The following CFAP299 variants were observed in gnomAD, a reference collection of about 807,000 sequenced individuals.
CFAP299 encodes the protein cilia- and flagella-associated protein 299.
In CFAP299, 21 loss-of-function variants were observed where a neutral mutation model predicts 27.0. The ratio of observed to expected loss-of-function variants is 0.78; its 90% CI spans 0.55 to 1.12. The LOEUF (loss-of-function observed/expected upper bound fraction) is 1.12. Among genes scored for constraint, CFAP299 ranks in the 50% most tolerant of loss-of-function variants. The pLI, the probability that CFAP299 is intolerant of heterozygous loss-of-function variation, is 0.00. For synonymous variants in CFAP299, 104 were observed against 98.1 expected, an observed-to-expected ratio of 1.06 and a Z score of -0.36; for missense variants, 310 against 276.6, an observed-to-expected ratio of 1.12 and a Z score of -0.86.
At position 80,694,231 on chromosome 4, in the gene CFAP299, A is replaced by G. The variant is rs750727977; in HGVS notation, c.333+111048A>G. On this transcript the variant is annotated intron_variant, in intron 3 of 5. Coordinates refer to ENST00000358105, the MANE Select transcript of CFAP299 (RefSeq NM_152770.3). ...TTCACCTGAATAAATAGTACCCTGCATTTCACCCTTTGAGGTCAGTACATA... is the reference window on the plus strand; with the variant it reads ...TTCACCTGAATAAATAGTACCCTGCGTTTCACCCTTTGAGGTCAGTACATA... Among the ~76,000 whole-genome samples, 13 of 152,228 alleles carry G rather than the reference A, an allele frequency of 8.5e-5. No individual in the cohort carries two copies. The South Asian group carries it at 1.7e-3, about 19-fold the overall frequency.
At chr4:80,386,560 G>T (rs1725017580) in intron 2 of CFAP299, 2 of 1,595,864 alleles carry the variant, frequency 1.3e-6, no homozygotes, top group Non-Finnish European at 1.7e-6. Flanking sequence ...CCTTCTGGGG[G>T]CCGAGACGAC....
chr4:80,663,114 G>T (rs1329609077), intron 3 of CFAP299, among the ~76,000 whole-genome samples: 4 of 149,586 alleles, frequency 2.7e-5, no homozygotes, highest in Non-Finnish European at 5.9e-5. Flanking sequence ...TATATACTTT[G>T]CCATTTTTAA....
intron 3 of CFAP299, among the ~76,000 whole-genome samples, chr4:80,694,776 AG>A (rs1720983373): frequency 6.6e-6 from 1 of 152,226 alleles, no homozygotes; most frequent in Non-Finnish European, 1.5e-5. Flanking sequence ...GAATGAATTA[AG>A]GTGAAATTGC....
At chr4:80,916,133 G>C (rs958040186) in intron 4 of CFAP299, among the ~76,000 whole-genome samples, 1 of 150,144 alleles carries the variant, frequency 6.7e-6, no homozygotes, top group African/African-American at 2.5e-5. Context: ...GTGTTGGTGG[G>C]TGCCTGTAAT....
At chr4:80,352,441 C>T (rs1027881160) in intron 1 of CFAP299, among the ~76,000 whole-genome samples, 1 of 152,078 alleles carries the variant, frequency 6.6e-6, no homozygotes, top group African/African-American at 2.4e-5. Context: ...GTGGTGCACA[C>T]CTGTAATCCC....
intron 2 of CFAP299, among the ~76,000 whole-genome samples, chr4:80,473,630 G>C (rs1267689865): frequency 6.6e-6 from 1 of 151,962 alleles, no homozygotes; most frequent in African/African-American, 2.4e-5. Context: ...GAGTACAGTG[G>C]TGCGATCACA....
chr4:80,732,161 G>A (rs1018425332), intron 3 of CFAP299, among the ~76,000 whole-genome samples: 2 of 151,992 alleles, frequency 1.3e-5, no homozygotes, highest in Admixed American at 6.6e-5. Context: ...GATTGGAAAT[G>A]TTCCAGAAAT....
intron 2 of CFAP299, among the ~76,000 whole-genome samples, chr4:80,562,072 C>T (rs527381557): frequency 1.3e-5 from 2 of 152,104 alleles, no homozygotes; most frequent in African/African-American, 4.8e-5. Flanking sequence ...GTGTTATTTT[C>T]AGCTTCAAAT....
At chr4:80,462,470 C>A (rs554726519) in intron 2 of CFAP299, among the ~76,000 whole-genome samples, 1 of 152,148 alleles carries the variant, frequency 6.6e-6, no homozygotes, top group Non-Finnish European at 1.5e-5. Flanking sequence ...AACCAGCACT[C>A]CTCAGGTCTT....
chr4:80,568,348 C>G (rs1378996464), intron 2 of CFAP299, among the ~76,000 whole-genome samples: 3 of 151,836 alleles, frequency 2.0e-5, no homozygotes, highest in Admixed American at 2.0e-4. Flanking sequence ...TATCATGTTT[C>G]CTTTGTTATT....
intron 2 of CFAP299, among the ~76,000 whole-genome samples, chr4:80,581,469 T>G (rs1578629986): frequency 2.2e-5 from 3 of 135,770 alleles, no homozygotes; most frequent in South Asian, 4.8e-4. Flanking sequence ...TATATATATA[T>G]ATATATATAT....
chr4:80,558,358 G>GTTTTTTTTTTTTTTTTTTTTTTTTTTTT (rs1174909337), intron 2 of CFAP299, among the ~76,000 whole-genome samples: 1 of 121,680 alleles, frequency 8.2e-6, no homozygotes, highest in African/African-American at 3.3e-5. Context: ...TTGTTTGTTT[G>GTTTTTTTTTTTTTTTTTTTTTTTTTTTT]TTTGTTTGTT....
At chr4:80,627,501 A>C (rs548456843) in intron 3 of CFAP299, among the ~76,000 whole-genome samples, 2 of 152,150 alleles carry the variant, frequency 1.3e-5, no homozygotes, top group African/African-American at 4.8e-5. Flanking sequence ...GCAATTAGGC[A>C]AAAGAAAGAA....
At chr4:80,697,444 T>C (rs1721175487) in intron 3 of CFAP299, among the ~76,000 whole-genome samples, 1 of 152,218 alleles carries the variant, frequency 6.6e-6, no homozygotes, top group Non-Finnish European at 1.5e-5. Context: ...TCACCTCTTC[T>C]AGTCAGATAC....
At chr4:80,712,564 A>G (rs1245107419) in intron 3 of CFAP299, among the ~76,000 whole-genome samples, 1 of 152,210 alleles carries the variant, frequency 6.6e-6, no homozygotes, top group African/African-American at 2.4e-5. Context: ...AATGGTGACT[A>G]ACTGTATAAT....
intron 4 of CFAP299, among the ~76,000 whole-genome samples, chr4:80,916,174 A>C (rs1735739836): frequency 6.8e-6 from 1 of 146,396 alleles, no homozygotes; most frequent in Admixed American, 6.9e-5. Flanking sequence ...AGGCACGAGA[A>C]TCACTGAAAC....
At chr4:80,954,245 T>C (rs1197145994) in intron 5 of CFAP299, among the ~76,000 whole-genome samples, 2 of 152,184 alleles carry the variant, frequency 1.3e-5, no homozygotes, top group Non-Finnish European at 2.9e-5. Context: ...GAGGGATTAT[T>C]TCTAGTTCAA....
At chr4:80,926,058 T>A (rs1429597825) in intron 4 of CFAP299, among the ~76,000 whole-genome samples, 1 of 151,988 alleles carries the variant, frequency 6.6e-6, no homozygotes, top group African/African-American at 2.4e-5. Context: ...GATATGATAT[T>A]TGAAGGATGT....
At chr4:80,706,499 T>A (rs1721828913) in intron 3 of CFAP299, among the ~76,000 whole-genome samples, 1 of 151,828 alleles carries the variant, frequency 6.6e-6, no homozygotes, top group Non-Finnish European at 1.5e-5. Flanking sequence ...TTTCCCAACA[T>A]AAACACATGC....
Sources: allele counts gnomAD v4.1 joint callset (sites outside exome capture counted in the v4.1 genomes callset), GRCh38; gene constraint gnomAD v4.1.1; transcripts MANE v1.5; gene names NCBI Gene and HGNC (gene_info 2026-07-23, HGNC 2026-07-21).